The following VEPH1 variants were observed in gnomAD, a reference collection of about 807,000 sequenced individuals.
VEPH1 encodes ventricular zone-expressed PH domain-containing protein homolog 1.
A neutral mutation model predicts 85.2 loss-of-function variants in VEPH1; 80 were observed. The observed-to-expected ratio is 0.94, with a 90% CI of 0.78 to 1.13. The LOEUF is 1.13. VEPH1 is among the 50% of genes most tolerant of loss of function. The pLI, the probability that VEPH1 is intolerant of heterozygous loss-of-function variation, is 0.00. For synonymous variants in VEPH1, 297 were observed against 348.0 expected, an observed-to-expected ratio of 0.85 and a Z score of 1.63; for missense variants, 955 against 980.5, an observed-to-expected ratio of 0.97 and a Z score of 0.35.
At chr3:157,372,273 C>T (rs1727586195) in intron 7 of VEPH1, among the ~76,000 whole-genome samples, 1 of 152,148 alleles carries the variant, frequency 6.6e-6, no homozygotes, top group Non-Finnish European at 1.5e-5. Flanking sequence ...TTGATAGAAA[C>T]ATAGTTACCC....
At chr3:157,314,330 C>CAAAAAAAAAA (rs34703314) in intron 10 of VEPH1, among the ~76,000 whole-genome samples, 478 of 43,128 alleles carry the variant, frequency 0.011, 32 homozygotes, top group Non-Finnish European at 0.018. Flanking sequence ...GAGGATCCGT[C>CAAAAAAAAAA]AAAAAAAAAA....
At chr3:157,304,041 A>ACACACC (rs1719194826) in intron 11 of VEPH1, among the ~76,000 whole-genome samples, 1 of 141,696 alleles carries the variant, frequency 7.1e-6, no homozygotes, top group African/African-American at 2.5e-5. Flanking sequence ...ATATATATAC[A>ACACACC]CACATACTGT....
chr3:157,437,056 T>C (rs1733650443), intron 4 of VEPH1: 1 of 1,613,870 alleles, frequency 6.2e-7, no homozygotes, highest in South Asian at 1.1e-5. Context: ...TCCATCCCAC[T>C]GAGGACCGTA....
At chr3:157,339,245 C>T (rs779978953) in intron 9 of VEPH1, among the ~76,000 whole-genome samples, 11 of 152,216 alleles carry the variant, frequency 7.2e-5, no homozygotes, top group Admixed American at 2.6e-4. Context: ...GAGACCCCCA[C>T]GGCCTGAGAA....
Position 157,491,365 on chromosome 3 carries a change from G to A in VEPH1, c.138+3847C>T, listed in dbSNP as rs141557529. ...GGATGAGACAATCTCTCTTGGAGTAGCCTGGGAGGAAAGCCAAGTTAGTAC... is the reference window on the plus strand; with the variant it reads ...GGATGAGACAATCTCTCTTGGAGTAACCTGGGAGGAAAGCCAAGTTAGTAC... On this transcript the variant is annotated intron_variant, in intron 2 of 13. Transcript: ENST00000362010. Among the ~76,000 whole-genome samples, 585 of 152,228 alleles carry A rather than the reference G, an allele frequency of 3.8e-3. 1 individual carries two copies. The highest frequency in any genetic ancestry group is 0.013 in the African/African-American group (551 of 41,544).
intron 12 of VEPH1, among the ~76,000 whole-genome samples, chr3:157,266,107 A>G (rs1042405817): frequency 2.0e-5 from 3 of 149,832 alleles, no homozygotes; most frequent in Admixed American, 1.3e-4. Context: ...ACAAATTTCC[A>G]TGCTTTATGA....
At chr3:157,478,542 T>A (rs190607383) in intron 2 of VEPH1, among the ~76,000 whole-genome samples, 2 of 152,272 alleles carry the variant, frequency 1.3e-5, no homozygotes, top group African/African-American at 4.8e-5. Flanking sequence ...TGCAACTCAA[T>A]GAAAAATACA....
chr3:157,399,120 G>T (rs1473652543), intron 6 of VEPH1, among the ~76,000 whole-genome samples: 1 of 152,102 alleles, frequency 6.6e-6, no homozygotes, highest in Non-Finnish European at 1.5e-5. Context: ...AGAAAGATTT[G>T]AATTATCACA....
chr3:157,370,141 A>G (rs7632367), intron 7 of VEPH1, among the ~76,000 whole-genome samples: 26,134 of 152,158 alleles, frequency 0.17, 2,621 homozygotes, highest in South Asian at 0.43. Context: ...AAAGTTTTTA[A>G]AAGTACATCT....
At chr3:157,301,029 C>G (rs1379371962) in intron 11 of VEPH1, among the ~76,000 whole-genome samples, 1 of 152,194 alleles carries the variant, frequency 6.6e-6, no homozygotes, top group Non-Finnish European at 1.5e-5. Flanking sequence ...GATGAACTAT[C>G]GTGGCTCTGG....
intron 11 of VEPH1, among the ~76,000 whole-genome samples, chr3:157,294,161 A>C (rs1717851289): frequency 6.6e-6 from 1 of 152,292 alleles, no homozygotes; most frequent in South Asian, 2.1e-4. Context: ...TTCCTTTTGA[A>C]ATCAGATAGC....
chr3:157,328,851 G>A (rs1382036601), intron 9 of VEPH1, among the ~76,000 whole-genome samples: 2 of 152,200 alleles, frequency 1.3e-5, no homozygotes, highest in Non-Finnish European at 2.9e-5. Flanking sequence ...AGAGTTTTAT[G>A]TGTGTATTGC....
intron 2 of VEPH1, among the ~76,000 whole-genome samples, chr3:157,478,866 ACACAG>A (rs1737743528): frequency 6.6e-6 from 1 of 152,202 alleles, no homozygotes; most frequent in African/African-American, 2.4e-5. Flanking sequence ...ATTTCTTATT[ACACAG>A]CACTTTACTA....
At chr3:157,402,022 G>T (rs1179794367) in intron 6 of VEPH1, among the ~76,000 whole-genome samples, 2 of 152,046 alleles carry the variant, frequency 1.3e-5, no homozygotes, top group African/African-American at 4.8e-5. Context: ...TTTAGATAGG[G>T]TTATGTTGAG....
chr3:157,451,848 C>T (rs1734994546), intron 4 of VEPH1, among the ~76,000 whole-genome samples: 1 of 152,096 alleles, frequency 6.6e-6, no homozygotes, highest in South Asian at 2.1e-4. Flanking sequence ...GGAAGAGCTG[C>T]AGATACACTG....
At chr3:157,266,522 T>C (rs112108671) in intron 12 of VEPH1, among the ~76,000 whole-genome samples, 291 of 152,312 alleles carry the variant, frequency 1.9e-3, no homozygotes, top group African/African-American at 6.6e-3. Flanking sequence ...TTCTGTCTCA[T>C]TCAGTTGAAA....
chr3:157,364,325 T>C lies in VEPH1; in HGVS notation c.1315A>G (p.Arg439Gly), dbSNP rs1349887980. Reference protein sequence around the residue: ...YSLGQVSKEERKNIRFNRSKS... With the variant: ...YSLGQVSKEEGKNIRFNRSKS... ...TACCTGTTAAATCTAATGTTTTTTC[T>C]TTCTTCTTTAGAAACTTGGCCCAGA... Residue 439 changes from arginine (R) to glycine (G), a missense_variant, in exon 8 of 14, where the codon AGA (arginine) becomes GGA (glycine). Transcript: ENST00000362010. The C allele has an allele frequency of 6.2e-7, 1 of 1,612,630 alleles. No homozygotes were observed. The highest frequency in any genetic ancestry group is 1.7e-5 in the Admixed American group (1 of 59,848).
chr3:157,366,764 A>AAACAAC (rs1056205216), intron 7 of VEPH1, among the ~76,000 whole-genome samples: 2 of 152,066 alleles, frequency 1.3e-5, no homozygotes, highest in African/African-American at 4.8e-5. Context: ...CAACAAAAAC[A>AAACAAC]AACAACAACA....
In VEPH1 at chr3:157,481,433, A is replaced by AACAC. The variant is rs1177654727; in HGVS notation, c.139-10908_139-10905dup. Among the ~76,000 whole-genome samples, 121 of 38,668 alleles carry AACAC rather than the reference A, an allele frequency of 3.1e-3. 2 individuals are homozygous for AACAC. The highest frequency in any genetic ancestry group is 4.9e-3 in the African/African-American group (38 of 7,738). 25.4% of individuals were successfully genotyped at this position (38,668 alleles called of 152,430 possible). ...CTATTCTAAAATTCATATGGAACCAAACACACACACACACACACACACACA... is the reference window on the plus strand; with the variant it reads ...CTATTCTAAAATTCATATGGAACCAAACACACACACACACACACACACACACACA... On this transcript the variant is annotated intron_variant, in intron 2 of 13. Transcript: ENST00000362010.
Sources: gnomAD v4.1 joint callset for allele counts (sites outside exome capture counted in the v4.1 genomes callset) on GRCh38, gnomAD v4.1.1 for gene constraint, MANE v1.5 for transcripts, NCBI Gene and HGNC (gene_info 2026-07-23, HGNC 2026-07-21) for gene names.